The following LRP1B variants were observed in gnomAD, a reference collection of about 807,000 sequenced individuals.
LRP1B encodes the protein low-density lipoprotein receptor-related protein 1B.
Under a neutral mutation model 556.6 loss-of-function variants are expected in LRP1B, and 217 were observed. The observed-to-expected ratio is 0.39, with a 90% CI of 0.35 to 0.44. The LOEUF is 0.44. Among genes scored for constraint, LRP1B ranks in the 20% least tolerant of loss-of-function variants. The pLI, the probability that LRP1B is intolerant of heterozygous loss-of-function variation, is 1.00. For synonymous variants in LRP1B, 2,047 were observed against 1,865.8 expected, an observed-to-expected ratio of 1.10 and a Z score of -2.50; for missense variants, 5,053 against 5,620.8, an observed-to-expected ratio of 0.90 and a Z score of 3.23.
At chr2:140,569,089 A>C (rs974587535) in intron 43 of LRP1B, among the ~76,000 whole-genome samples, 2 of 152,048 alleles carry the variant, frequency 1.3e-5, no homozygotes, top group African/African-American at 4.8e-5. Flanking sequence ...AGAAAGAGAA[A>C]GAAACCAAAC....
intron 1 of LRP1B, among the ~76,000 whole-genome samples, chr2:141,867,036 G>C (rs557714860): frequency 7.7e-4 from 117 of 152,150 alleles, no homozygotes; most frequent in African/African-American, 2.8e-3. Context: ...GTCAACAAAA[G>C]CAGCCCTTTC....
intron 2 of LRP1B, among the ~76,000 whole-genome samples, chr2:141,685,682 T>A (rs1412243071): frequency 1.3e-5 from 2 of 152,052 alleles, no homozygotes; most frequent in Non-Finnish European, 2.9e-5. Flanking sequence ...AGCAATGTGA[T>A]GACAGAAGGA....
chr2:140,465,673 C>T (rs1175354915), intron 60 of LRP1B, among the ~76,000 whole-genome samples: 1 of 148,476 alleles, frequency 6.7e-6, no homozygotes, highest in Non-Finnish European at 1.5e-5. Flanking sequence ...GAGGGTAATA[C>T]TTAAAATGTC....
intron 41 of LRP1B, among the ~76,000 whole-genome samples, chr2:140,660,966 T>C (rs1464672583): frequency 6.6e-6 from 1 of 151,980 alleles, no homozygotes; most frequent in Non-Finnish European, 1.5e-5. Context: ...ATATTATTAA[T>C]AATCATGTTC....
At chr2:141,937,487 A>C (rs1480205662) in intron 1 of LRP1B, among the ~76,000 whole-genome samples, 1 of 151,862 alleles carries the variant, frequency 6.6e-6, no homozygotes, top group Non-Finnish European at 1.5e-5. Context: ...AAATGTATGG[A>C]TTGAGACTAT....
At chr2:140,483,389 A>G (rs1453455951) in intron 59 of LRP1B, among the ~76,000 whole-genome samples, 2 of 151,704 alleles carry the variant, frequency 1.3e-5, no homozygotes, top group East Asian at 1.9e-4. Flanking sequence ...ATTCAGCTGC[A>G]TTCACTAGAA....
chr2:142,037,784 T>C (rs924665755), intron 1 of LRP1B, among the ~76,000 whole-genome samples: 1 of 151,362 alleles, frequency 6.6e-6, no homozygotes, highest in Non-Finnish European at 1.5e-5. Context: ...TAAACGTTTA[T>C]ACATTATTAC....
intron 43 of LRP1B, among the ~76,000 whole-genome samples, chr2:140,570,930 T>A (rs1298347934): frequency 6.6e-6 from 1 of 151,774 alleles, no homozygotes; most frequent in African/African-American, 2.4e-5. Context: ...ATAATCATCT[T>A]AATAGACACA....
chr2:141,332,690 G>A (rs116826316), intron 3 of LRP1B, among the ~76,000 whole-genome samples: 2,249 of 144,826 alleles, frequency 0.016, 39 homozygotes, highest in South Asian at 0.027. Context: ...ATCAGGTCAC[G>A]GTGGCCTTTT....
intron 1 of LRP1B, among the ~76,000 whole-genome samples, chr2:141,948,342 T>A (rs1055048419): frequency 6.6e-6 from 1 of 151,826 alleles, no homozygotes. Context: ...TGGAAATTTT[T>A]ATAAGAAATA....
intron 7 of LRP1B, among the ~76,000 whole-genome samples, chr2:141,128,082 G>C (rs149165712): frequency 7.5e-4 from 114 of 152,266 alleles, no homozygotes; most frequent in African/African-American, 2.7e-3. Flanking sequence ...CTGAGCTCAA[G>C]AGATCCTCCT....
At chr2:140,334,164 A>G (rs1405019196) in intron 79 of LRP1B, among the ~76,000 whole-genome samples, 1 of 152,026 alleles carries the variant, frequency 6.6e-6, no homozygotes, top group Non-Finnish European at 1.5e-5. Flanking sequence ...CCTAATGTAT[A>G]TGTATTGCTA....
At chr2:140,686,503 T>C (rs1439139764) in intron 41 of LRP1B, among the ~76,000 whole-genome samples, 1 of 151,864 alleles carries the variant, frequency 6.6e-6, no homozygotes, top group East Asian at 1.9e-4. Context: ...TTTAAAATAA[T>C]AATCATTATT....
intron 13 of LRP1B, among the ~76,000 whole-genome samples, chr2:141,014,449 G>A (rs1157089722): frequency 1.3e-5 from 2 of 151,990 alleles, no homozygotes; most frequent in South Asian, 4.1e-4. Flanking sequence ...TCACATGTAG[G>A]ATTTTAGAAG....
chr2:140,683,791 A>G, intron 41 of LRP1B: 1 of 942,378 alleles, frequency 1.1e-6, no homozygotes, highest in Non-Finnish European at 1.7e-6. Context: ...AGCTGTAGCA[A>G]AGCCAGCCTC....
chr2:140,345,741 T>C (rs149867508), intron 77 of LRP1B, among the ~76,000 whole-genome samples: 109 of 123,514 alleles, frequency 8.8e-4, no homozygotes, highest in Non-Finnish European at 1.4e-3. Context: ...TATATATACA[T>C]ATATATACAC....
intron 41 of LRP1B, among the ~76,000 whole-genome samples, chr2:140,608,247 T>C (rs1682941177): frequency 1.3e-5 from 2 of 152,176 alleles, no homozygotes; most frequent in Admixed American, 1.3e-4. Context: ...AATAGTTGTA[T>C]ATATACAAAA....
intron 2 of LRP1B, among the ~76,000 whole-genome samples, chr2:141,534,076 A>G (rs1438120418): frequency 6.6e-6 from 1 of 152,116 alleles, no homozygotes; most frequent in Non-Finnish European, 1.5e-5. Context: ...AGAGGGGAGA[A>G]GGTTCTAAAA....
intron 83 of LRP1B, among the ~76,000 whole-genome samples, chr2:140,310,521 A>G (rs1684252906): frequency 6.6e-6 from 1 of 151,852 alleles, no homozygotes; most frequent in Non-Finnish European, 1.5e-5. Context: ...TAATAACCAA[A>G]AGAGCATGGT....
Sources: allele counts gnomAD v4.1 joint callset (sites outside exome capture counted in the v4.1 genomes callset), GRCh38; gene constraint gnomAD v4.1.1; transcripts MANE v1.5; gene names NCBI Gene and HGNC (gene_info 2026-07-23, HGNC 2026-07-21).